The following RBMS3 variants were observed in gnomAD, a reference collection of about 807,000 sequenced individuals.
RBMS3 encodes the protein RNA binding motif single stranded interacting protein 3.
RBMS3 carries 27 observed loss-of-function variants against 66.8 expected under a neutral mutation model. That is an observed-to-expected ratio of 0.40 (90% confidence interval 0.30 to 0.56). The LOEUF is 0.56. Ranked by LOEUF, RBMS3 falls within the 20% of genes least tolerant of loss-of-function variation. The probability of loss-of-function intolerance (pLI) is 0.40; values close to 1 mark genes in which losing one functional copy is unlikely to be tolerated. For missense variants in RBMS3, 513 were observed against 549.5 expected, an observed-to-expected ratio of 0.93 and a Z score of 0.66; for synonymous variants, 188 against 183.0, an observed-to-expected ratio of 1.03 and a Z score of -0.22.
At chr3:29,995,484 GA>G in intron 14 of RBMS3, among the ~76,000 whole-genome samples, 1 of 151,916 alleles carries the variant, frequency 6.6e-6, no homozygotes, top group Non-Finnish European at 1.5e-5. Context: ...AAGTTGAAAT[GA>G]AGGGAAAAAT....
intron 6 of RBMS3, among the ~76,000 whole-genome samples, chr3:29,789,224 G>A (rs900839586): frequency 8.6e-5 from 13 of 151,916 alleles, no homozygotes; most frequent in Non-Finnish European, 1.2e-4. Flanking sequence ...AATGGCAAAA[G>A]AGAAACATAA....
At chr3:29,585,939 GA>G (rs2047505312) in intron 3 of RBMS3, among the ~76,000 whole-genome samples, 1 of 151,974 alleles carries the variant, frequency 6.6e-6, no homozygotes, top group Non-Finnish European at 1.5e-5. Flanking sequence ...GATTCGAGGG[GA>G]AAAAATTAAA....
intron 14 of RBMS3, among the ~76,000 whole-genome samples, chr3:29,994,882 G>A (rs563883759): frequency 6.6e-6 from 1 of 152,306 alleles, no homozygotes; most frequent in East Asian, 1.9e-4. Flanking sequence ...TCCTCCAAAG[G>A]AACGCAGTTC....
chr3:29,799,855 C>G (rs2057333417), intron 6 of RBMS3, among the ~76,000 whole-genome samples: 3 of 152,136 alleles, frequency 2.0e-5, no homozygotes, highest in African/African-American at 7.2e-5. Context: ...AAAGGCATCT[C>G]CACATCCTCT....
intron 1 of RBMS3, among the ~76,000 whole-genome samples, chr3:29,308,350 G>A (rs902069782): frequency 6.6e-6 from 1 of 151,792 alleles, no homozygotes; most frequent in Admixed American, 6.6e-5. Flanking sequence ...TAGGTTGAAA[G>A]TGTTGGCTCA....
chr3:29,992,079 G>A (rs577942365), intron 14 of RBMS3, among the ~76,000 whole-genome samples: 17 of 152,154 alleles, frequency 1.1e-4, no homozygotes, highest in African/African-American at 4.1e-4. Flanking sequence ...CAAGTGTCTT[G>A]GCATGCAAAC....
Position 30,004,078 on chromosome 3 carries a change from CA to C in RBMS3, c.*217del, listed in dbSNP as rs2125407264. On this transcript the variant is annotated 3_prime_UTR_variant, in exon 15 of 15. Transcript: ENST00000383767. ...TGGTCTGACAATTTATTTTTGCCATCATTTTTTTAATTAAAGAAAAAATTTC... is the reference window on the plus strand; with the variant it reads ...TGGTCTGACAATTTATTTTTGCCATCTTTTTTTAATTAAAGAAAAAATTTC... The C allele has an allele frequency of 2.8e-6, 1 of 359,592 alleles. No homozygotes were observed. The highest frequency in any genetic ancestry group is 4.7e-5 in the Admixed American group (1 of 21,256). 22.3% of individuals were successfully genotyped at this position (359,592 alleles called of 1,614,324 possible).
At chr3:29,342,056 A>T (rs909672199) in intron 1 of RBMS3, among the ~76,000 whole-genome samples, 8 of 152,152 alleles carry the variant, frequency 5.3e-5, no homozygotes, top group Non-Finnish European at 4.4e-5. Context: ...GTAGCTGGTG[A>T]CTCTAGAGAA....
At chr3:29,683,221 G>C (rs1467085959) in intron 4 of RBMS3, among the ~76,000 whole-genome samples, 1 of 152,190 alleles carries the variant, frequency 6.6e-6, no homozygotes, top group African/African-American at 2.4e-5. Context: ...CCCCAGGTGT[G>C]AGTTGCTTTG....
At chr3:29,591,148 C>T (rs2047720667) in intron 4 of RBMS3, among the ~76,000 whole-genome samples, 1 of 152,210 alleles carries the variant, frequency 6.6e-6, no homozygotes, top group African/African-American at 2.4e-5. Context: ...AATAATAGTC[C>T]ATCCCCTTGG....
chr3:29,987,927 G>T, intron 12 of RBMS3: 1 of 456,202 alleles, frequency 2.2e-6, no homozygotes, highest in Non-Finnish European at 4.0e-6. Context: ...AACTCATATT[G>T]ATAATTAAGA....
chr3:29,581,177 A>G (rs1437390192), intron 3 of RBMS3, among the ~76,000 whole-genome samples: 1 of 152,190 alleles, frequency 6.6e-6, no homozygotes, highest in South Asian at 2.1e-4. Context: ...TCCCGGCTTT[A>G]CTATAATGAT....
rs1032456120 is a variant in RBMS3, at chr3:29,797,084, G to A, written c.637+34095G>A. ...GTCAGCCTGTCCTTTGAAGTTTTGAGGCCAGGCATTGTCTTCTCCTCTGTC... is the reference window on the plus strand; with the variant it reads ...GTCAGCCTGTCCTTTGAAGTTTTGAAGCCAGGCATTGTCTTCTCCTCTGTC... On this transcript the variant is annotated intron_variant, in intron 6 of 14. Transcript: ENST00000383767. Among the ~76,000 whole-genome samples, 15 of 152,078 alleles carry A rather than the reference G, an allele frequency of 9.9e-5. No individual in the cohort carries two copies. In the South Asian group the frequency reaches 2.7e-3, roughly 27 times the overall value.
At chr3:29,533,684 G>A (rs565496002) in intron 3 of RBMS3, among the ~76,000 whole-genome samples, 1 of 152,228 alleles carries the variant, frequency 6.6e-6, no homozygotes, top group African/African-American at 2.4e-5. Flanking sequence ...GGCCAAGGCA[G>A]GGGAATCACT....
At chr3:29,694,129 C>T (rs575292981) in intron 4 of RBMS3, among the ~76,000 whole-genome samples, 1 of 151,614 alleles carries the variant, frequency 6.6e-6, no homozygotes, top group Admixed American at 6.6e-5. Context: ...AAGACAGCCT[C>T]TGGAGAGTGA....
chr3:29,700,215 T>C (rs968001031), intron 4 of RBMS3, among the ~76,000 whole-genome samples: 1 of 152,240 alleles, frequency 6.6e-6, no homozygotes, highest in Non-Finnish European at 1.5e-5. Flanking sequence ...GTAGATCTAT[T>C]ATAGATGTGT....
At chr3:29,414,910 T>C (rs1001792887) in intron 1 of RBMS3, among the ~76,000 whole-genome samples, 7 of 152,170 alleles carry the variant, frequency 4.6e-5, no homozygotes, top group African/African-American at 1.7e-4. Flanking sequence ...CTAACACCTT[T>C]ATTGTAGGTC....
chr3:29,717,662 T>C (rs2053456861), intron 4 of RBMS3, among the ~76,000 whole-genome samples: 1 of 152,144 alleles, frequency 6.6e-6, no homozygotes, highest in Non-Finnish European at 1.5e-5. Context: ...AAGCCGTTGA[T>C]CCATTAGAAT....
At chr3:29,283,863 G>A (rs1384916115) in intron 1 of RBMS3, among the ~76,000 whole-genome samples, 1 of 152,124 alleles carries the variant, frequency 6.6e-6, no homozygotes, top group East Asian at 1.9e-4. Context: ...GGAAGCTGAA[G>A]ATGAGAAAAT....
Sources: allele counts gnomAD v4.1 joint callset (sites outside exome capture counted in the v4.1 genomes callset), GRCh38; gene constraint gnomAD v4.1.1; transcripts MANE v1.5; gene names NCBI Gene and HGNC (gene_info 2026-07-23, HGNC 2026-07-21).